NUFIP2: variants seen among roughly 807,000 people sequenced by gnomAD.
NUFIP2 encodes FMR1-interacting protein NUFIP2.
Under a neutral mutation model 56.9 loss-of-function variants are expected in NUFIP2, and 6 were observed. That is an observed-to-expected ratio of 0.11 (90% confidence interval 0.06 to 0.21). NUFIP2 has a LOEUF of 0.21. Ranked by LOEUF, NUFIP2 falls within the 10% of genes least tolerant of loss-of-function variation. The probability of loss-of-function intolerance (pLI) is 1.00; values close to 1 mark genes in which losing one functional copy is unlikely to be tolerated. For synonymous variants in NUFIP2, 321 were observed against 298.2 expected (o/e 1.08, Z -0.79); for missense variants, 828 against 826.8 (o/e 1.00, Z -0.02).
intron 2 of NUFIP2, among the ~76,000 whole-genome samples, chr17:29,273,768 C>A (rs1383879896): frequency 6.6e-6 from 1 of 152,116 alleles, no homozygotes. Context: ...TAAACCACTA[C>A]CACCACCCAA....
intron 2 of NUFIP2, among the ~76,000 whole-genome samples, chr17:29,269,471 TC>T (rs1248708022): frequency 6.6e-6 from 1 of 151,906 alleles, no homozygotes; most frequent in Non-Finnish European, 1.5e-5. Context: ...CTCTCCCTAC[TC>T]CCCTAGCAAA....
chr17:29,267,387 T>C, intron 3 of NUFIP2, 111 bp downstream of exon 3: 1 of 642,410 alleles, frequency 1.6e-6, no homozygotes, highest in Non-Finnish European at 2.7e-6. Context: ...ATTAAATAAC[T>C]CAAAATACAA....
Position 29,294,130 on chromosome 17 carries a change from G to C in NUFIP2, c.-71C>G. The C allele has an allele frequency of 6.6e-7, 1 of 1,524,840 alleles. No homozygotes were observed. Among genetic ancestry groups the C allele is most frequent in the South Asian group, 1.3e-5 (1 of 79,580 alleles). 94.5% of individuals were successfully genotyped at this position (1,524,840 alleles called of 1,614,324 possible). ...CGTCAGGATCTGAGACTGCTTCTCA[G>C]GGCTCACTCAGTATATCTGAGCGCG... On this transcript the variant is annotated 5_prime_UTR_variant, in exon 1 of 4. Coordinates refer to ENST00000225388, the MANE Select transcript of NUFIP2 (RefSeq NM_020772.3).
intron 2 of NUFIP2, among the ~76,000 whole-genome samples, chr17:29,269,771 A>G (rs1693373905): frequency 6.6e-6 from 1 of 151,812 alleles, no homozygotes; most frequent in Non-Finnish European, 1.5e-5. Flanking sequence ...CCCAGGCTGG[A>G]GTACAGTGGC....
At chr17:29,284,900 C>G (rs532992077) in intron 2 of NUFIP2, among the ~76,000 whole-genome samples, 2 of 152,174 alleles carry the variant, frequency 1.3e-5, no homozygotes, top group Non-Finnish European at 2.9e-5. Context: ...AACTGGCATC[C>G]ATTACTCCAA....
At chr17:29,282,394 C>T (rs1157916157) in intron 2 of NUFIP2, among the ~76,000 whole-genome samples, 2 of 151,476 alleles carry the variant, frequency 1.3e-5, no homozygotes, top group Non-Finnish European at 2.9e-5. Context: ...ACTAAAAATA[C>T]AAAATTAGCC....
intron 1 of NUFIP2, among the ~76,000 whole-genome samples, chr17:29,288,168 AGAGTAGCTGGGAC>A (rs2069189657): frequency 6.6e-6 from 1 of 152,186 alleles, no homozygotes; most frequent in Non-Finnish European, 1.5e-5. Flanking sequence ...CTCAGCCTCC[AGAGTAGCTGGGAC>A]TACAGGCGCC....
chr17:29,270,868 C>CACCT (rs2069067959), intron 2 of NUFIP2, among the ~76,000 whole-genome samples: 1 of 152,034 alleles, frequency 6.6e-6, no homozygotes, highest in South Asian at 2.1e-4. Flanking sequence ...TCATGTTAAC[C>CACCT]ACCTATAAGT....
chr17:29,264,623 G>A, intron 3 of NUFIP2, 32 bp from the exon 4 acceptor site: 1 of 1,379,966 alleles, frequency 7.2e-7, no homozygotes, highest in Non-Finnish European at 1.0e-6. Flanking sequence ...ATAAAAATAA[G>A]GTCTAGAATC....
intron 3 of NUFIP2, among the ~76,000 whole-genome samples, chr17:29,267,249 T>C (rs1471706341): frequency 6.6e-6 from 1 of 151,562 alleles, no homozygotes; most frequent in African/African-American, 2.4e-5. Flanking sequence ...AGACGGGGTC[T>C]GGCTATGCTG....
chr17:29,287,957 G>A (rs974335905), intron 1 of NUFIP2, among the ~76,000 whole-genome samples: 27 of 152,202 alleles, frequency 1.8e-4, no homozygotes, highest in Admixed American at 1.2e-3. Context: ...AAAGTCTGAG[G>A]CCAGAGAAGA....
In NUFIP2 at chr17:29,286,176, G is replaced by A. The variant is rs2069172406; in HGVS notation, c.1818C>T (p.Thr606=). Residue 606 remains threonine, a synonymous_variant, in exon 2 of 4, where the codon ACC becomes ACT. Coordinates refer to ENST00000225388, the MANE Select transcript of NUFIP2 (RefSeq NM_020772.3). ...GAAACACTAAAGCACCTTGACTACTGGTGTCTGCTTTCTGCAGGTCACCTA... is the reference window on the plus strand; with the variant it reads ...GAAACACTAAAGCACCTTGACTACTAGTGTCTGCTTTCTGCAGGTCACCTA... ...SHIGDLQKAD[T]SSQGALVFLS... 1 of 1,613,770 alleles carries A rather than the reference G, an allele frequency of 6.2e-7. No individual in the cohort carries two copies. Among genetic ancestry groups the A allele is most frequent in the African/African-American group, 1.3e-5 (1 of 74,870 alleles).
At chr17:29,275,082 G>T (rs957542960) in intron 2 of NUFIP2, among the ~76,000 whole-genome samples, 2 of 151,556 alleles carry the variant, frequency 1.3e-5, no homozygotes, top group East Asian at 3.9e-4. Flanking sequence ...TGGAATGCTC[G>T]ATCTCGGCTC....
rs1327661838 is a variant in NUFIP2 at position 29,260,460 on chromosome 17, C to T, written c.*4079G>A. 2 of 152,314 alleles carry T rather than the reference C, an allele frequency of 1.3e-5. No homozygotes were observed. The highest frequency in any genetic ancestry group is 1.3e-4 in the Admixed American group (2 of 15,304). 9.4% of individuals were successfully genotyped at this position (152,314 alleles called of 1,614,324 possible). On this transcript the variant is annotated 3_prime_UTR_variant, in exon 4 of 4. Transcript: ENST00000225388. Reference sequence around the variant, plus strand: ...TGGAAATTGGACTTTTAATCTATTTCTCTGAAGAGAGCCTTGTAGGAATGA... The same window carrying T: ...TGGAAATTGGACTTTTAATCTATTTTTCTGAAGAGAGCCTTGTAGGAATGA...
In NUFIP2 at chr17:29,293,954, AATG is replaced by A. The variant is rs1474907161; in HGVS notation, c.103_105del (p.His35del). On this transcript the variant is annotated inframe_deletion, in exon 1 of 4. Coordinates refer to ENST00000225388, the MANE Select transcript of NUFIP2 (RefSeq NM_020772.3). ...TTGTGGCTGTGGTTGTAGAAATAAT[AATG>A]GTGGTGGTGGTGCGGCTGCTGCTGC... is the stretch of plus-strand genomic sequence containing the variant. 1 of 1,612,246 alleles carries A rather than the reference AATG, an allele frequency of 6.2e-7. No individual in the cohort carries two copies. Among genetic ancestry groups the A allele is most frequent in the Admixed American group, 1.7e-5 (1 of 59,942 alleles).
At position 29,264,547 on chromosome 17, in the gene NUFIP2, C is replaced by A. The variant is rs368710244; in HGVS notation, c.2080G>T (p.Asp694Tyr). The A allele has an allele frequency of 3.7e-6, 6 of 1,608,002 alleles. No individual in the cohort carries two copies. In the African/African-American group the frequency reaches 8.0e-5, roughly 22 times the overall value. The change falls in exon 4 of 4, where the codon GAT (aspartate) becomes TAT (tyrosine). Residue 694 changes from aspartate (D) to tyrosine (Y), a missense_variant. Transcript: ENST00000225388. The stretch of plus-strand genomic sequence containing the variant: ...ATAGGCAGTCTGGTCCTTCATTGAT[C>A]TGGACTATCCATGGCTTCATTGTAA... ...ITYNEAMDSPDQ is the reference protein window; with the variant it reads ...ITYNEAMDSPYQ
Position 29,263,008 on chromosome 17 carries a change from C to T in NUFIP2, c.*1531G>A, listed in dbSNP as rs937521379. 6.6e-6 allele frequency: 1 copy of T among 152,520 alleles called. No individual in the cohort carries two copies. The highest frequency in any genetic ancestry group is 1.5e-5 in the Non-Finnish European group (1 of 68,016). The allele number at this position is 152,520 out of a possible 1,614,324, so 9.4% of individuals were successfully genotyped here. A position where few individuals can be genotyped will look rare whatever the true frequency, so the allele number is the denominator to read the frequency against. Reference sequence around the variant, plus strand: ...AAAGTAGTTACTTTCTCCCCAAATACCCCAGGGGATCCAGTCTACTTTTAT... The same window carrying T: ...AAAGTAGTTACTTTCTCCCCAAATATCCCAGGGGATCCAGTCTACTTTTAT... On this transcript the variant is annotated 3_prime_UTR_variant, in exon 4 of 4. Transcript: ENST00000225388.
At chr17:29,293,498 G>A (rs2069231337) in intron 1 of NUFIP2, among the ~76,000 whole-genome samples, 1 of 152,108 alleles carries the variant, frequency 6.6e-6, no homozygotes, top group South Asian at 2.1e-4. Context: ...GAATAATGAG[G>A]TTGGACTTGC....
chr17:29,291,051 A>G (rs1567682918), intron 1 of NUFIP2, among the ~76,000 whole-genome samples: 1 of 149,972 alleles, frequency 6.7e-6, no homozygotes, highest in South Asian at 2.1e-4. Flanking sequence ...AAAAAAAAAA[A>G]AAGAAAAGAA....
Sources: allele counts gnomAD v4.1 joint callset (sites outside exome capture counted in the v4.1 genomes callset), GRCh38; gene constraint gnomAD v4.1.1; transcripts MANE v1.5; gene names NCBI Gene and HGNC (gene_info 2026-07-23, HGNC 2026-07-21).